TXK: variants seen among roughly 807,000 people sequenced by gnomAD.
TXK encodes the protein tyrosine-protein kinase TXK.
A neutral mutation model predicts 81.0 loss-of-function variants in TXK; 60 were observed. The observed-to-expected ratio is 0.74, with a 90% CI of 0.60 to 0.92. TXK has a LOEUF of 0.92. Among genes scored for constraint, TXK ranks in the 40% least tolerant of loss-of-function variants. The pLI, the probability that TXK is intolerant of heterozygous loss-of-function variation, is 0.00. For synonymous variants in TXK, 203 were observed against 210.7 expected, an observed-to-expected ratio of 0.96 and a Z score of 0.32; for missense variants, 581 against 638.3, an observed-to-expected ratio of 0.91 and a Z score of 0.97.
At chr4:48,127,006 T>C (rs1207698715) in intron 1 of TXK, among the ~76,000 whole-genome samples, 7 of 152,196 alleles carry the variant, frequency 4.6e-5, no homozygotes, top group African/African-American at 1.4e-4. Context: ...CCTGATTCAA[T>C]AGCAAAGACA....
chr4:48,080,277 T>G (rs1369960644), intron 10 of TXK, 149 bp from the exon 11 acceptor site: 1 of 668,116 alleles, frequency 1.5e-6, no homozygotes, highest in African/African-American at 1.8e-5. Flanking sequence ...GTAGTTCAGT[T>G]TCCTTGCCAC....
At chr4:48,128,089 TTCCTCATG>T (rs1719141081) in intron 1 of TXK, among the ~76,000 whole-genome samples, 1 of 152,222 alleles carries the variant, frequency 6.6e-6, no homozygotes, top group African/African-American at 2.4e-5. Context: ...CCGCTGTCGC[TTCCTCATG>T]TCTAATGTTT....
intron 10 of TXK, among the ~76,000 whole-genome samples, chr4:48,081,752 G>T (rs1717307876): frequency 6.6e-6 from 1 of 151,902 alleles, no homozygotes; most frequent in South Asian, 2.1e-4. Context: ...CTCAACACTT[G>T]ATCACACCTA....
intron 11 of TXK, among the ~76,000 whole-genome samples, chr4:48,076,991 G>A (rs1193051415): frequency 6.6e-6 from 1 of 152,050 alleles, no homozygotes; most frequent in African/African-American, 2.4e-5. Flanking sequence ...TAAAAATAGT[G>A]TATTTTTTTT....
Position 48,084,518 on chromosome 4 carries a change from C to T in TXK, c.956+1948G>A, listed in dbSNP as rs571325915. The stretch of plus-strand genomic sequence containing the variant: ...TTAACTCTCCCTGAATAACTTGTCT[C>T]CCATTCATTCTTTTTTTATTATGCC... On this transcript the variant is annotated intron_variant, in intron 10 of 14. Transcript: ENST00000264316. Among the ~76,000 whole-genome samples, 36 of 152,256 alleles carry T rather than the reference C, an allele frequency of 2.4e-4. 1 individual carries two copies. Among genetic ancestry groups the T allele is most frequent in the African/African-American group, 7.9e-4 (33 of 41,558 alleles).
intron 4 of TXK, 135 bp downstream of exon 4, chr4:48,112,172 A>T: frequency 1.2e-6 from 1 of 804,874 alleles, no homozygotes; most frequent in Admixed American, 2.4e-5. Flanking sequence ...CTGTTCTCTC[A>T]TTCTCTCACA....
intron 2 of TXK, 94 bp downstream of exon 2, chr4:48,114,254 G>T: frequency 7.7e-7 from 1 of 1,300,762 alleles, no homozygotes; most frequent in Non-Finnish European, 1.1e-6. Flanking sequence ...CAGGTAGAGA[G>T]AACAGCGGGT....
chr4:48,087,513 A>G (rs1717582823), intron 9 of TXK, among the ~76,000 whole-genome samples: 1 of 151,608 alleles, frequency 6.6e-6, no homozygotes, highest in Admixed American at 6.6e-5. Flanking sequence ...TCAGCTGACT[A>G]CAAGCTCCAC....
At chr4:48,124,541 C>CTTAAA (rs1374659276) in intron 1 of TXK, among the ~76,000 whole-genome samples, 1 of 152,076 alleles carries the variant, frequency 6.6e-6, no homozygotes, top group East Asian at 1.9e-4. Context: ...TATCAACACC[C>CTTAAA]TTACATTACA....
intron 5 of TXK, among the ~76,000 whole-genome samples, chr4:48,109,094 G>C (rs568109438): frequency 6.6e-6 from 1 of 151,946 alleles, no homozygotes; most frequent in African/African-American, 2.4e-5. Flanking sequence ...GGCTTTGCAA[G>C]AGGCCTGTTT....
At position 48,066,707 on chromosome 4, in the gene TXK, G is replaced by C. The variant is rs1560334523; in HGVS notation, c.*930C>G. Reference sequence around the variant, plus strand: ...CATTCCTACAAAGAGTGCAGGCAAAGTTAAGATTTAACTGTGATTGCTGGT... The same window carrying C: ...CATTCCTACAAAGAGTGCAGGCAAACTTAAGATTTAACTGTGATTGCTGGT... On this transcript the variant is annotated 3_prime_UTR_variant, in exon 15 of 15. Transcript: ENST00000264316. 6.6e-6 allele frequency: 1 copy of C among 152,180 alleles called. No homozygotes were observed. The allele number at this position is 152,180 out of a possible 1,614,324, so 9.4% of individuals were successfully genotyped here.
At chr4:48,076,182 A>C (rs1177781674) in intron 12 of TXK, among the ~76,000 whole-genome samples, 1 of 152,214 alleles carries the variant, frequency 6.6e-6, no homozygotes, top group Non-Finnish European at 1.5e-5. Flanking sequence ...TTTTGCTAAA[A>C]GATGAGAAGA....
At chr4:48,110,199 TA>T (rs570096926) in intron 5 of TXK, among the ~76,000 whole-genome samples, 540 of 152,318 alleles carry the variant, frequency 3.5e-3, no homozygotes, top group Non-Finnish European at 5.8e-3. Flanking sequence ...TATAGTACTT[TA>T]TCTATATGGT....
chr4:48,097,680 C>A (rs1718033762), intron 6 of TXK, among the ~76,000 whole-genome samples: 1 of 151,348 alleles, frequency 6.6e-6, no homozygotes, highest in Admixed American at 6.6e-5. Context: ...TTGAGATCTG[C>A]CCGCCTCAGC....
intron 7 of TXK, among the ~76,000 whole-genome samples, 154 bp downstream of exon 7, chr4:48,094,989 C>T (rs1315504520): frequency 6.6e-6 from 1 of 152,242 alleles, no homozygotes; most frequent in African/African-American, 2.4e-5. Flanking sequence ...CAATGTCACA[C>T]AGAGCATGCT....
intron 6 of TXK, among the ~76,000 whole-genome samples, chr4:48,097,465 C>T (rs1718026321): frequency 6.8e-6 from 1 of 146,378 alleles, no homozygotes; most frequent in Admixed American, 7.0e-5. Context: ...TGTCGCCAGG[C>T]TGGAGTGCGG....
At chr4:48,111,234 A>G (rs973582360) in intron 4 of TXK, among the ~76,000 whole-genome samples, 1 of 152,244 alleles carries the variant, frequency 6.6e-6, no homozygotes, top group Non-Finnish European at 1.5e-5. Flanking sequence ...GATCTCCAAG[A>G]CATATTATTG....
intron 6 of TXK, among the ~76,000 whole-genome samples, chr4:48,098,716 C>CT (rs35567945): frequency 0.31 from 47,162 of 152,062 alleles, 8,730 homozygotes; most frequent in Non-Finnish European, 0.41. Flanking sequence ...AATCCCAGCA[C>CT]TTTGGGAGAC....
At chr4:48,124,247 G>A (rs1719027604) in intron 1 of TXK, among the ~76,000 whole-genome samples, 2 of 152,022 alleles carry the variant, frequency 1.3e-5, no homozygotes, top group South Asian at 4.1e-4. Context: ...TGCACTAGAT[G>A]CCGGCAGCAA....
Sources: gnomAD v4.1 joint callset for allele counts (sites outside exome capture counted in the v4.1 genomes callset) on GRCh38, gnomAD v4.1.1 for gene constraint, MANE v1.5 for transcripts, NCBI Gene and HGNC (gene_info 2026-07-23, HGNC 2026-07-21) for gene names.